Variants in ERBIN observed in about 807,000 individuals in gnomAD.
ERBIN encodes the protein densin-180-like protein.
ERBIN carries 60 observed loss-of-function variants against 158.4 expected under a neutral mutation model. That is an observed-to-expected ratio of 0.38 (90% CI 0.31 to 0.47). The LOEUF is 0.47. ERBIN is among the 20% of genes least tolerant of loss of function. The pLI, the probability that ERBIN is intolerant of heterozygous loss-of-function variation, is 0.99. For missense variants in ERBIN, 1,610 were observed against 1,648.0 expected (o/e 0.98, Z 0.40); for synonymous variants, 594 against 557.2 (o/e 1.07, Z -0.93).
At chr5:65,996,788 G>C (rs189205905) in intron 4 of ERBIN, among the ~76,000 whole-genome samples, 1 of 152,082 alleles carries the variant, frequency 6.6e-6, no homozygotes, top group East Asian at 1.9e-4. Context: ...TTATTGTGCT[G>C]CTTCAATTTT....
chr5:66,062,206 C>T (rs925024457), intron 21 of ERBIN, among the ~76,000 whole-genome samples: 2 of 152,204 alleles, frequency 1.3e-5, no homozygotes, highest in Admixed American at 1.3e-4. Context: ...GGTCTTTTCA[C>T]ATAGTCCCAT....
intron 21 of ERBIN, among the ~76,000 whole-genome samples, chr5:66,069,372 A>AG (rs1743886050): frequency 6.6e-6 from 1 of 152,256 alleles, no homozygotes; most frequent in African/African-American, 2.4e-5. Flanking sequence ...TGTAATCCAT[A>AG]GACCTGTTAC....
At chr5:66,002,069 A>C (rs1753064158) in intron 4 of ERBIN, among the ~76,000 whole-genome samples, 1 of 151,776 alleles carries the variant, frequency 6.6e-6, no homozygotes, top group South Asian at 2.1e-4. Context: ...GCGGCGTTTG[A>C]TTTTCTGTTC....
At chr5:66,013,880 A>G (rs896962784) in intron 6 of ERBIN, among the ~76,000 whole-genome samples, 5 of 152,132 alleles carry the variant, frequency 3.3e-5, no homozygotes, top group South Asian at 4.1e-4. Flanking sequence ...GGGCGTTTCA[A>G]TGGGGTTAAT....
At chr5:65,978,311 G>A (rs1750262320) in intron 1 of ERBIN, among the ~76,000 whole-genome samples, 1 of 151,984 alleles carries the variant, frequency 6.6e-6, no homozygotes, top group Non-Finnish European at 1.5e-5. Flanking sequence ...AGTTTTTCAT[G>A]GTTAATTCTG....
intron 7 of ERBIN, among the ~76,000 whole-genome samples, chr5:66,015,027 TC>T (rs1228839831): frequency 1.3e-5 from 2 of 152,102 alleles, no homozygotes; most frequent in Non-Finnish European, 2.9e-5. Flanking sequence ...AAATCAGAAA[TC>T]CCAGGTTCGT....
intron 21 of ERBIN, among the ~76,000 whole-genome samples, chr5:66,066,529 A>C (rs1306449265): frequency 1.3e-5 from 2 of 150,606 alleles, no homozygotes; most frequent in South Asian, 2.1e-4. Context: ...AAATAAAAAA[A>C]AAAAAACAAA....
intron 1 of ERBIN, among the ~76,000 whole-genome samples, chr5:65,930,776 T>TA (rs1479787134): frequency 1.3e-5 from 2 of 152,270 alleles, no homozygotes; most frequent in Admixed American, 6.5e-5. Flanking sequence ...AACATACAGA[T>TA]ATATTTCTCT....
chr5:66,045,967 T>C (rs541091734), intron 17 of ERBIN, among the ~76,000 whole-genome samples: 33 of 152,334 alleles, frequency 2.2e-4, no homozygotes, highest in African/African-American at 7.9e-4. Flanking sequence ...CACACATTAT[T>C]GTATCACAGA....
At chr5:65,977,920 C>G (rs1436752989) in intron 1 of ERBIN, among the ~76,000 whole-genome samples, 1 of 142,764 alleles carries the variant, frequency 7.0e-6, no homozygotes. Flanking sequence ...CTCAGGAGGC[C>G]GAGGCTGGCG....
At chr5:66,019,362 A>G (rs530406134) in intron 7 of ERBIN, among the ~76,000 whole-genome samples, 289 of 152,298 alleles carry the variant, frequency 1.9e-3, no homozygotes, top group African/African-American at 6.7e-3. Context: ...ATTTAATGCT[A>G]CCTAAAGAAT....
chr5:65,961,631 T>G (rs1036503895), intron 1 of ERBIN, among the ~76,000 whole-genome samples: 3 of 152,172 alleles, frequency 2.0e-5, no homozygotes, highest in African/African-American at 7.2e-5. Context: ...GGGTTGGGAG[T>G]CTAATAAAGA....
chr5:66,073,154 T>C (rs970737744), intron 22 of ERBIN, among the ~76,000 whole-genome samples: 10 of 152,210 alleles, frequency 6.6e-5, no homozygotes, highest in African/African-American at 2.2e-4. Context: ...TGTGTATGTT[T>C]AACACTGATG....
intron 5 of ERBIN, among the ~76,000 whole-genome samples, 159 bp from the exon 6 acceptor site, chr5:66,013,390 A>G (rs1238689289): frequency 6.6e-6 from 1 of 152,232 alleles, no homozygotes; most frequent in Non-Finnish European, 1.5e-5. Flanking sequence ...AGGTTATTAT[A>G]AAAGGCAAAT....
chr5:66,059,201 C>A (rs1444911912), intron 21 of ERBIN, among the ~76,000 whole-genome samples: 1 of 152,166 alleles, frequency 6.6e-6, no homozygotes. Flanking sequence ...TTTGTATCCT[C>A]TTTTATTTCA....
At position 66,076,059 on chromosome 5, in the gene ERBIN, T is replaced by C. The variant is rs74545082; in HGVS notation, c.3964-257T>C. 2,197 of 416,228 alleles carry C rather than the reference T, an allele frequency of 5.3e-3. 44 individuals are homozygous for C. Among genetic ancestry groups the C allele is most frequent in the African/African-American group, 0.042 (2,029 of 48,318 alleles). 25.8% of individuals were successfully genotyped at this position (416,228 alleles called of 1,614,324 possible). On this transcript the variant is annotated intron_variant, in intron 23 of 25. Transcript: ENST00000284037. ...AAAGTAAAACAGGGTCAATATTAATTGATTCCTTATCCTCATAAGACAAGC... is the reference window on the plus strand; with the variant it reads ...AAAGTAAAACAGGGTCAATATTAATCGATTCCTTATCCTCATAAGACAAGC...
At chr5:65,970,151 T>C (rs765155217) in intron 1 of ERBIN, among the ~76,000 whole-genome samples, 4 of 152,204 alleles carry the variant, frequency 2.6e-5, no homozygotes, top group African/African-American at 4.8e-5. Context: ...TTAATGACTT[T>C]TGTTTATTAA....
At chr5:66,039,022 C>G (rs1483957986) in intron 15 of ERBIN, among the ~76,000 whole-genome samples, 6 of 147,092 alleles carry the variant, frequency 4.1e-5, no homozygotes, top group African/African-American at 1.6e-4. Flanking sequence ...GTTGTACTCT[C>G]TGCGTGTGTG....
At chr5:65,947,271 C>T (rs1745883766) in intron 1 of ERBIN, among the ~76,000 whole-genome samples, 1 of 152,082 alleles carries the variant, frequency 6.6e-6, no homozygotes, top group Admixed American at 6.6e-5. Context: ...CCTCTGTCAT[C>T]CAGGCTGGAG....
Sources: gnomAD v4.1 joint callset for allele counts (sites outside exome capture counted in the v4.1 genomes callset) on GRCh38, gnomAD v4.1.1 for gene constraint, MANE v1.5 for transcripts, NCBI Gene and HGNC (gene_info 2026-07-23, HGNC 2026-07-21) for gene names.